SH2D7: variants seen among roughly 807,000 people sequenced by gnomAD.
SH2D7 encodes SH2 domain-containing protein 7.
SH2D7 carries 32 observed loss-of-function variants against 40.8 expected under a neutral mutation model. The observed-to-expected ratio is 0.78, with a 90% CI of 0.59 to 1.05. The LOEUF (loss-of-function observed/expected upper bound fraction) is 1.05. Ranked by LOEUF, SH2D7 falls within the 50% of genes least tolerant of loss-of-function variation. SH2D7 has a pLI of 0.00. For missense variants in SH2D7, 559 were observed against 566.6 expected (o/e 0.99, Z 0.14); for synonymous variants, 195 against 221.5 (o/e 0.88, Z 1.06).
In SH2D7 at chr15:78,094,120, A is replaced by G. The variant is rs1228284243; in HGVS notation, c.185A>G (p.Glu62Gly). The G allele has an allele frequency of 1.2e-6, 2 of 1,607,910 alleles. No homozygotes were observed. The highest frequency in any genetic ancestry group is 1.7e-6 in the Non-Finnish European group (2 of 1,177,528). ...FHGFITRKQTEQLLRDKALGS... is the reference protein window; with the variant it reads ...FHGFITRKQTGQLLRDKALGS... ...GCATGTCTTCTGCCCAGGCAGACGG[A>G]GCAGCTACTCAGGGACAAAGCTCTT... The change falls in exon 2 of 6, where the codon GAG (glutamate) becomes GGG (glycine). Residue 62 changes from glutamate to glycine, a missense_variant. By Grantham distance (98) the Glu-to-Gly change is moderately conservative. Coordinates refer to ENST00000328828, the MANE Select transcript of SH2D7 (RefSeq NM_001101404.2).
intron 5 of SH2D7, 142 bp from the exon 6 acceptor site, chr15:78,103,323 G>A: frequency 1.1e-6 from 1 of 879,032 alleles, no homozygotes; most frequent in East Asian, 2.7e-5. Flanking sequence ...GAGGCTTGTG[G>A]AATCAACTAT....
At chr15:78,092,540 C>A, upstream of SH2D7, 1 of 1,524,960 alleles carries the variant, frequency 6.6e-7, no homozygotes, top group Non-Finnish European at 8.8e-7. Context: ...GATATAGAGG[C>A]ATGTGCACTG....
chr15:78,090,638 TC>T (rs1219513948), upstream of SH2D7, among the ~76,000 whole-genome samples: 3,384 of 151,760 alleles, frequency 0.022, 131 homozygotes, highest in African/African-American at 0.077. Flanking sequence ...ATCATCATCA[TC>T]ATCATCATCA....
chr15:78,095,880 TCG>T (rs976841687), intron 2 of SH2D7, among the ~76,000 whole-genome samples: 107 of 152,328 alleles, frequency 7.0e-4, no homozygotes, highest in African/African-American at 2.5e-3. Context: ...TCTCGCTCTC[TCG>T]CTCTGGCTGG....
In SH2D7 at chr15:78,101,198, G is replaced by T. The variant is rs1256698919; in HGVS notation, c.945G>T (p.Trp315Cys). The change falls in exon 5 of 6, where the codon TGG (tryptophan) becomes TGT (cysteine). Residue 315 changes from tryptophan to cysteine, a missense_variant. Physicochemically the swap from Trp to Cys is radical, Grantham distance 215. Coordinates refer to ENST00000328828, the MANE Select transcript of SH2D7 (RefSeq NM_001101404.2). ...GTCCCACAGAGTCTCCCACTTCCTG[G>T]GGATGTTCTGATGCCATGGGATCCC... Reference protein sequence around the residue: ...DQGPTESPTSWGCSDAMGSLG... With the variant: ...DQGPTESPTSCGCSDAMGSLG... The T allele has an allele frequency of 6.3e-7, 1 of 1,594,718 alleles. No homozygotes were observed. Among genetic ancestry groups the T allele is most frequent in the Admixed American group, 1.8e-5 (1 of 55,894 alleles).
intron 2 of SH2D7, among the ~76,000 whole-genome samples, chr15:78,097,479 T>C (rs2073980461): frequency 6.6e-6 from 1 of 152,170 alleles, no homozygotes; most frequent in Non-Finnish European, 1.5e-5. Context: ...AGGGTGAGGT[T>C]GAGTTGTACA....
intron 4 of SH2D7, among the ~76,000 whole-genome samples, chr15:78,100,474 G>A (rs1186063310): frequency 6.6e-6 from 1 of 152,166 alleles, no homozygotes; most frequent in African/African-American, 2.4e-5. Context: ...GAGACGGGTG[G>A]ATCACCTGAG....
In SH2D7 at chr15:78,101,114, A is replaced by G; in HGVS notation, c.861A>G (p.Gly287=). ...AGGCCCAAAGGAGACTCTCAGATGG[A>G]GAACAGAACAGGCCTGATGGCCTGG... ...GREAQRRLSD[G]EQNRPDGLGP... The change falls in exon 5 of 6, where the codon GGA becomes GGG. Residue 287 remains glycine (G), a synonymous_variant. Coordinates refer to ENST00000328828, the MANE Select transcript of SH2D7 (RefSeq NM_001101404.2). 6.4e-7 allele frequency: 1 copy of G among 1,568,486 alleles called. No individual in the cohort carries two copies. The highest frequency in any genetic ancestry group is 8.6e-7 in the Non-Finnish European group (1 of 1,161,510).
intron 2 of SH2D7, among the ~76,000 whole-genome samples, chr15:78,096,957 T>C (rs1427237259): frequency 6.6e-6 from 1 of 152,198 alleles, no homozygotes; most frequent in Non-Finnish European, 1.5e-5. Flanking sequence ...GCAGCTTTAT[T>C]TATAACAGCC....
At chr15:78,095,608 C>T (rs2073966563) in intron 2 of SH2D7, among the ~76,000 whole-genome samples, 1 of 152,146 alleles carries the variant, frequency 6.6e-6, no homozygotes, top group African/African-American at 2.4e-5. Context: ...ACAATTACTG[C>T]TACCTCATAC....
chr15:78,102,385 G>T (rs2074023828), intron 5 of SH2D7, among the ~76,000 whole-genome samples: 1 of 152,106 alleles, frequency 6.6e-6, no homozygotes, highest in Non-Finnish European at 1.5e-5. Context: ...CCCCACCCAG[G>T]ACCTCCATTT....
Position 78,101,095 on chromosome 15 carries a change from A to G in SH2D7, c.842A>G (p.Gln281Arg). ...GCCTACTCCCCAGGCAGGGAGGCCCAAAGGAGACTCTCAGATGGAGAACAG... is the reference window on the plus strand; with the variant it reads ...GCCTACTCCCCAGGCAGGGAGGCCCGAAGGAGACTCTCAGATGGAGAACAG... The part of the protein sequence containing the change: ...SQAYSPGREA[Q>R]RRLSDGEQNR... The change falls in exon 5 of 6, where the codon CAA (glutamine) becomes CGA (arginine). Residue 281 changes from glutamine to arginine, a missense_variant. Transcript: ENST00000328828. The G allele has an allele frequency of 1.9e-6, 3 of 1,582,248 alleles. No homozygotes were observed. The South Asian group carries it at 3.5e-5, about 19-fold the overall frequency.
chr15:78,098,169 T>TA, intron 3 of SH2D7, 75 bp downstream of exon 3: 1 of 1,486,044 alleles, frequency 6.7e-7, no homozygotes, highest in Non-Finnish European at 9.0e-7. Context: ...CACTCAGACA[T>TA]ACTCCTTTTC....
chr15:78,096,225 C>T (rs2073971709), intron 2 of SH2D7, among the ~76,000 whole-genome samples: 1 of 152,156 alleles, frequency 6.6e-6, no homozygotes, highest in African/African-American at 2.4e-5. Flanking sequence ...AAGAAGTTAT[C>T]TATTAGAATA....
chr15:78,102,936 G>A (rs564666099), intron 5 of SH2D7, among the ~76,000 whole-genome samples: 12 of 152,236 alleles, frequency 7.9e-5, no homozygotes, highest in Non-Finnish European at 1.3e-4. Flanking sequence ...AAGTGCTGAC[G>A]GCTCCTCCCT....
intron 4 of SH2D7, 123 bp downstream of exon 4, chr15:78,098,719 C>G: frequency 8.6e-7 from 1 of 1,166,796 alleles, no homozygotes; most frequent in Non-Finnish European, 1.2e-6. Context: ...GTGAGCCAGG[C>G]CCAGAGGTGC....
At chr15:78,090,640 ATCATC>A (rs2073935018), upstream of SH2D7, among the ~76,000 whole-genome samples, 2 of 151,872 alleles carry the variant, frequency 1.3e-5, no homozygotes, top group African/African-American at 4.8e-5. Context: ...CATCATCATC[ATCATC>A]ATCATCATCA....
In SH2D7 at chr15:78,098,432, A is replaced by G; in HGVS notation, c.481A>G (p.Thr161Ala). 6.2e-7 allele frequency: 1 copy of G among 1,613,828 alleles called. No homozygotes were observed. The highest frequency in any genetic ancestry group is 8.5e-7 in the Non-Finnish European group (1 of 1,179,832). Residue 161 changes from threonine (T) to alanine (A), a missense_variant, in exon 4 of 6, where the codon ACC becomes GCC. Transcript: ENST00000328828. ...YDAITRGLHQ[T>A]IVDPENPPAT... The stretch of plus-strand genomic sequence containing the variant: ...TGCCATCACCCGGGGCCTCCACCAG[A>G]CCATCGTGGACCCAGAAAACCCACC...
At chr15:78,090,647 TCA>T (rs2073935191), upstream of SH2D7, among the ~76,000 whole-genome samples, 1 of 151,850 alleles carries the variant, frequency 6.6e-6, no homozygotes, top group Non-Finnish European at 1.5e-5. Context: ...ATCATCATCA[TCA>T]TCATCATCAT....
Sources: allele counts gnomAD v4.1 joint callset (sites outside exome capture counted in the v4.1 genomes callset), GRCh38; gene constraint gnomAD v4.1.1; transcripts MANE v1.5; gene names NCBI Gene and HGNC (gene_info 2026-07-23, HGNC 2026-07-21).